Variants in CCL28 observed in about 807,000 individuals in gnomAD.
CCL28 encodes C-C motif chemokine 28.
A neutral mutation model predicts 7.1 loss-of-function variants in CCL28; 4 were observed. That is an observed-to-expected ratio of 0.56 (90% CI 0.28 to 1.29). The LOEUF is 1.29. Among genes scored for constraint, CCL28 ranks in the 50% most tolerant of loss-of-function variants. The pLI is 0.11. For missense variants in CCL28, 151 were observed against 163.4 expected (o/e 0.92, Z 0.41); for synonymous variants, 55 against 57.8 (o/e 0.95, Z 0.22).
At chr5:43,401,230 G>A (rs909009751) in intron 1 of CCL28, among the ~76,000 whole-genome samples, 5 of 152,194 alleles carry the variant, frequency 3.3e-5, no homozygotes, top group African/African-American at 1.2e-4. Flanking sequence ...CTGTCACTAA[G>A]TGGGCAGGTA....
chr5:43,382,510 C>T (rs1442417479), intron 2 of CCL28, among the ~76,000 whole-genome samples: 3 of 152,142 alleles, frequency 2.0e-5, no homozygotes, highest in Admixed American at 6.5e-5. Context: ...CAGCTAGATG[C>T]CGTCTTTTTT....
intron 1 of CCL28, among the ~76,000 whole-genome samples, chr5:43,404,991 G>T (rs1326930241): frequency 6.6e-6 from 1 of 152,162 alleles, no homozygotes; most frequent in Non-Finnish European, 1.5e-5. Flanking sequence ...CAATACAGGA[G>T]CACCCAGATT....
At chr5:43,376,151 C>T (rs1739883813), downstream of CCL28, among the ~76,000 whole-genome samples, 1 of 152,164 alleles carries the variant, frequency 6.6e-6, no homozygotes, top group Admixed American at 6.5e-5. Flanking sequence ...ACTGCAGCAC[C>T]TAGATTGGTG....
At chr5:43,405,594 A>C (rs1741243124) in intron 1 of CCL28, among the ~76,000 whole-genome samples, 2 of 152,220 alleles carry the variant, frequency 1.3e-5, no homozygotes, top group African/African-American at 2.4e-5. Context: ...GAACTAGAGA[A>C]GCAAGAGCAA....
chr5:43,385,860 T>C (rs1328750215), intron 2 of CCL28, among the ~76,000 whole-genome samples: 1 of 152,218 alleles, frequency 6.6e-6, no homozygotes, highest in Non-Finnish European at 1.5e-5. Context: ...TTTTCCCTTA[T>C]CACAGCAAAA....
rs918006733 is a variant in CCL28 at position 43,380,248 on chromosome 5, T to A, written c.*1612A>T. On this transcript the variant is annotated 3_prime_UTR_variant, in exon 3 of 3. Coordinates refer to ENST00000361115, the MANE Select transcript of CCL28 (RefSeq NM_148672.3). ...GAAGGCCGAACTCTGGGCCCCTAACTAGTGCTGCTCCAAGAACTGACTGGG... is the reference window on the plus strand; with the variant it reads ...GAAGGCCGAACTCTGGGCCCCTAACAAGTGCTGCTCCAAGAACTGACTGGG... 2 of 152,126 alleles carry A rather than the reference T, an allele frequency of 1.3e-5. No individual in the cohort carries two copies. Among genetic ancestry groups the A allele is most frequent in the Non-Finnish European group, 2.9e-5 (2 of 68,034 alleles). 9.4% of individuals were successfully genotyped at this position (152,126 alleles called of 1,614,324 possible).
intron 1 of CCL28, among the ~76,000 whole-genome samples, chr5:43,398,012 A>G (rs926388764): frequency 3.3e-5 from 5 of 152,204 alleles, no homozygotes; most frequent in Non-Finnish European, 7.4e-5. Context: ...TGTCTACAAT[A>G]TCTAGTACCG....
intron 1 of CCL28, among the ~76,000 whole-genome samples, chr5:43,401,282 T>G (rs28461402): frequency 6.6e-6 from 1 of 152,012 alleles, no homozygotes; most frequent in Non-Finnish European, 1.5e-5. Context: ...TATTCCCAAA[T>G]AAAGTCCTGC....
intron 1 of CCL28, among the ~76,000 whole-genome samples, chr5:43,407,207 A>G (rs971252722): frequency 2.0e-5 from 3 of 152,210 alleles, no homozygotes; most frequent in African/African-American, 7.2e-5. Flanking sequence ...AAAACAGAAC[A>G]AAGCTGGAGG....
At chr5:43,367,326 C>T in the CCL28 span, among the ~76,000 whole-genome samples, 1 of 152,216 alleles carries the variant, frequency 6.6e-6, no homozygotes, top group African/African-American at 2.4e-5. Context: ...CAAATGGCCG[C>T]CCAGTTTTGT....
At chr5:43,364,989 T>C in the CCL28 span, among the ~76,000 whole-genome samples, 1 of 149,232 alleles carries the variant, frequency 6.7e-6, no homozygotes, top group Non-Finnish European at 1.5e-5. Context: ...TACACCACAC[T>C]GATGGGTCTT....
At chr5:43,386,971 T>C (rs1300837132) in intron 2 of CCL28, among the ~76,000 whole-genome samples, 5 of 152,226 alleles carry the variant, frequency 3.3e-5, no homozygotes, top group Admixed American at 2.6e-4. Flanking sequence ...TAATTGTTAA[T>C]TCATAAATAT....
chr5:43,387,267 A>G, intron 2 of CCL28, among the ~76,000 whole-genome samples: 1 of 152,220 alleles, frequency 6.6e-6, no homozygotes, highest in East Asian at 1.9e-4. Context: ...TGTTTCTGCA[A>G]TTCACGAGCT....
chr5:43,368,986 G>A, the CCL28 span, among the ~76,000 whole-genome samples: 1 of 137,060 alleles, frequency 7.3e-6, no homozygotes, highest in African/African-American at 2.8e-5. Context: ...GAAGACAGGA[G>A]AGTGTCTTTG....
chr5:43,372,697 T>C (rs1043657778), downstream of CCL28, among the ~76,000 whole-genome samples: 2 of 151,758 alleles, frequency 1.3e-5, no homozygotes, highest in Admixed American at 1.3e-4. Flanking sequence ...ATGCATATAA[T>C]ATTTTGAATT....
intron 2 of CCL28, among the ~76,000 whole-genome samples, chr5:43,386,715 C>T (rs866472901): frequency 6.6e-6 from 1 of 152,222 alleles, no homozygotes; most frequent in South Asian, 2.1e-4. Flanking sequence ...TATCAACAGA[C>T]ATCTTACAAA....
chr5:43,367,832 C>A, the CCL28 span, among the ~76,000 whole-genome samples: 3 of 152,234 alleles, frequency 2.0e-5, no homozygotes, highest in Non-Finnish European at 4.4e-5. Context: ...CCCGCAACTA[C>A]CAATGTATGT....
At chr5:43,403,856 G>A (rs565367859) in intron 1 of CCL28, among the ~76,000 whole-genome samples, 18 of 152,336 alleles carry the variant, frequency 1.2e-4, no homozygotes, top group Admixed American at 4.6e-4. Flanking sequence ...AGAACTACGT[G>A]ACGAATGCAG....
intron 1 of CCL28, among the ~76,000 whole-genome samples, chr5:43,398,007 A>G (rs766824396): frequency 6.6e-6 from 1 of 152,126 alleles, no homozygotes; most frequent in African/African-American, 2.4e-5. Flanking sequence ...AAAAATGTCT[A>G]CAATATCTAG....
Sources: allele counts gnomAD v4.1 joint callset (sites outside exome capture counted in the v4.1 genomes callset), GRCh38; gene constraint gnomAD v4.1.1; transcripts MANE v1.5; gene names NCBI Gene and HGNC (gene_info 2026-07-23, HGNC 2026-07-21).